Variants in ADD1 observed in about 807,000 individuals in gnomAD.
The protein encoded by ADD1 is adducin 1, also known as alpha-adducin.
A neutral mutation model predicts 80.5 loss-of-function variants in ADD1; 24 were observed. That is an observed-to-expected ratio of 0.30 (90% CI 0.22 to 0.42). The LOEUF is 0.42. Among genes scored for constraint, ADD1 ranks in the 10% least tolerant of loss-of-function variants. The probability of loss-of-function intolerance (pLI) is 1.00; values close to 1 mark genes in which losing one functional copy is unlikely to be tolerated. For synonymous variants in ADD1, 373 were observed against 393.8 expected, an observed-to-expected ratio of 0.95 and a Z score of 0.63; for missense variants, 948 against 1,019.0, an observed-to-expected ratio of 0.93 and a Z score of 0.95.
chr4:2,855,072 A>G (rs1727864810), intron 1 of ADD1: 1 of 151,966 alleles, frequency 6.6e-6, no homozygotes, highest in Non-Finnish European at 1.5e-5. Context: ...AATCTCCCCC[A>G]CCTCGATTTT....
intron 4 of ADD1, among the ~76,000 whole-genome samples, chr4:2,888,383 A>G (rs771323302): frequency 8.8e-5 from 13 of 147,900 alleles, no homozygotes; most frequent in Non-Finnish European, 1.8e-4. Flanking sequence ...CCGGCCCAGC[A>G]TTATTTGTAA....
chr4:2,906,205 C>T (rs1171398556), intron 10 of ADD1, among the ~76,000 whole-genome samples: 1 of 152,212 alleles, frequency 6.6e-6, no homozygotes, highest in African/African-American at 2.4e-5. Flanking sequence ...AGCCTCCGTG[C>T]TCCTGAGCGG....
chr4:2,927,535 C>T lies in ADD1; in HGVS notation c.2048-636C>T, dbSNP rs116803535. Among the ~76,000 whole-genome samples, 1,288 of 152,326 alleles carry T rather than the reference C, an allele frequency of 8.5e-3. 24 individuals carry two copies. The highest frequency in any genetic ancestry group is 0.027 in the African/African-American group (1,127 of 41,560). ...GGTGCCCGGGTAAGTGCAAGGAAGGCGCCCCCAGGCTGTGTCCTCAGGGCC... is the reference window on the plus strand; with the variant it reads ...GGTGCCCGGGTAAGTGCAAGGAAGGTGCCCCCAGGCTGTGTCCTCAGGGCC... On this transcript the variant is annotated intron_variant, in intron 15 of 15. Coordinates refer to ENST00000683351, the MANE Select transcript of ADD1 (RefSeq NM_001354761.2).
chr4:2,891,800 C>T (rs1328441648), intron 4 of ADD1, among the ~76,000 whole-genome samples: 5 of 152,124 alleles, frequency 3.3e-5, no homozygotes, highest in Non-Finnish European at 5.9e-5. Flanking sequence ...GTGCTCTTAA[C>T]CCTGTTATGC....
intron 6 of ADD1, among the ~76,000 whole-genome samples, chr4:2,896,350 AG>A (rs1735226524): frequency 6.6e-6 from 1 of 152,068 alleles, no homozygotes; most frequent in Non-Finnish European, 1.5e-5. Context: ...CTGGGACTAC[AG>A]GTGCACACCA....
intron 1 of ADD1, chr4:2,844,896 T>C (rs1725942660): frequency 6.6e-6 from 1 of 152,120 alleles, no homozygotes; most frequent in African/African-American, 2.4e-5. Context: ...GGATAGGAAA[T>C]AGAATGCTGA....
chr4:2,897,627 C>G (rs1352417159), intron 6 of ADD1, among the ~76,000 whole-genome samples: 2 of 148,558 alleles, frequency 1.3e-5, no homozygotes, highest in Non-Finnish European at 3.0e-5. Flanking sequence ...CAGGATTCCT[C>G]CTGCCTCAGC....
intron 1 of ADD1, chr4:2,853,171 C>G (rs964369026): frequency 6.7e-6 from 1 of 150,326 alleles, no homozygotes; most frequent in African/African-American, 2.5e-5. Flanking sequence ...TGCAGTGGCA[C>G]GATCTTGGCT....
At chr4:2,914,696 CTG>C (rs1738680520) in intron 13 of ADD1, 186 bp from the exon 14 acceptor site, 1 of 585,438 alleles carries the variant, frequency 1.7e-6, no homozygotes. Flanking sequence ...TGGCACTGAC[CTG>C]TGTTTCCATT....
intron 6 of ADD1, among the ~76,000 whole-genome samples, chr4:2,896,415 G>T (rs1027423549): frequency 1.5e-4 from 22 of 151,430 alleles, no homozygotes; most frequent in Admixed American, 3.3e-4. Context: ...CATCATGTTG[G>T]CCTGGCTGGT....
chr4:2,861,303 C>T (rs534933994), intron 1 of ADD1, among the ~76,000 whole-genome samples: 2 of 152,278 alleles, frequency 1.3e-5, no homozygotes, highest in East Asian at 3.9e-4. Context: ...AGCCATTGAA[C>T]TCTTGGCCCC....
At chr4:2,848,616 A>G (rs1300478028) in intron 1 of ADD1, among the ~76,000 whole-genome samples, 1 of 151,804 alleles carries the variant, frequency 6.6e-6, no homozygotes, top group Admixed American at 6.6e-5. Flanking sequence ...CTGCAGGTTC[A>G]TGCCAACAGG....
intron 2 of ADD1, among the ~76,000 whole-genome samples, chr4:2,877,660 A>G (rs1033373992): frequency 6.6e-6 from 1 of 152,066 alleles, no homozygotes; most frequent in Non-Finnish European, 1.5e-5. Flanking sequence ...GACAGGAAGG[A>G]GCCAGTCTTT....
intron 13 of ADD1, among the ~76,000 whole-genome samples, chr4:2,914,418 C>T (rs777202255): frequency 4.6e-5 from 7 of 152,226 alleles, no homozygotes; most frequent in Non-Finnish European, 8.8e-5. Flanking sequence ...GTCAAAAGAA[C>T]AGAACTTACC....
intron 11 of ADD1, 152 bp from the exon 12 acceptor site, chr4:2,908,363 A>G (rs1737415283): frequency 1.5e-6 from 1 of 664,696 alleles, no homozygotes. Context: ...GCGGTCACTC[A>G]GAACACATGG....
At chr4:2,877,956 G>C (rs544030879) in intron 2 of ADD1, among the ~76,000 whole-genome samples, 2 of 152,242 alleles carry the variant, frequency 1.3e-5, no homozygotes, top group African/African-American at 4.8e-5. Context: ...GACAGAGTGA[G>C]ACCCTGTCTC....
chr4:2,889,338 A>G (rs1459181054), intron 4 of ADD1, among the ~76,000 whole-genome samples: 1 of 152,224 alleles, frequency 6.6e-6, no homozygotes, highest in Non-Finnish European at 1.5e-5. Context: ...TCACAAAGCA[A>G]TCCCAGTGAA....
chr4:2,913,265 G>A (rs1267581020), intron 13 of ADD1, among the ~76,000 whole-genome samples: 1 of 152,252 alleles, frequency 6.6e-6, no homozygotes, highest in Non-Finnish European at 1.5e-5. Context: ...TCAGGATGCA[G>A]GTGCAGCCAG....
chr4:2,912,582 A>C (rs1425834048), intron 13 of ADD1, among the ~76,000 whole-genome samples: 1 of 152,130 alleles, frequency 6.6e-6, no homozygotes, highest in African/African-American at 2.4e-5. Flanking sequence ...GCTGGAGTGC[A>C]GTAGTGCAAT....
Sources: gnomAD v4.1 joint callset for allele counts (sites outside exome capture counted in the v4.1 genomes callset) on GRCh38, gnomAD v4.1.1 for gene constraint, MANE v1.5 for transcripts, NCBI Gene and HGNC (gene_info 2026-07-23, HGNC 2026-07-21) for gene names.